The following LITAF variants were observed in gnomAD, a reference collection of about 807,000 sequenced individuals.
The protein encoded by LITAF is lipopolysaccharide-induced tumor necrosis factor-alpha factor.
In LITAF, 9 loss-of-function variants were observed where a neutral mutation model predicts 14.5. The ratio of observed to expected loss-of-function variants is 0.62; its 90% CI spans 0.37 to 1.08. LITAF has a LOEUF of 1.08. Among genes scored for constraint, LITAF ranks in the 50% least tolerant of loss-of-function variants. LITAF has a pLI of 0.01. For synonymous variants in LITAF, 98 were observed against 88.2 expected, an observed-to-expected ratio of 1.11 and a Z score of -0.62; for missense variants, 206 against 213.4, an observed-to-expected ratio of 0.97 and a Z score of 0.22.
chr16:11,581,748 C>G (rs1453521464), intron 1 of LITAF, among the ~76,000 whole-genome samples: 1 of 152,032 alleles, frequency 6.6e-6, no homozygotes, highest in Non-Finnish European at 1.5e-5. Context: ...AAAAAGATAC[C>G]TAGAATTTCA....
upstream of LITAF, among the ~76,000 whole-genome samples, chr16:11,637,976 A>ATATCTATATC (rs1484274038): frequency 2.7e-5 from 1 of 37,386 alleles, no homozygotes; most frequent in Non-Finnish European, 4.9e-5. Context: ...CTATATATCT[A>ATATCTATATC]TATATATCTA....
chr16:11,550,056 A>T (rs556638817), intron 3 of LITAF, among the ~76,000 whole-genome samples: 2 of 152,292 alleles, frequency 1.3e-5, no homozygotes, highest in African/African-American at 4.8e-5. Context: ...GCAAAAAATG[A>T]TTCTCCCTGA....
chr16:11,589,545 T>G (rs989331285), upstream of LITAF, among the ~76,000 whole-genome samples: 6 of 151,116 alleles, frequency 4.0e-5, no homozygotes, highest in African/African-American at 1.5e-4. Context: ...AAGAATGTAC[T>G]AAATACCTAT....
At chr16:11,561,729 G>A (rs376429532) in intron 1 of LITAF, among the ~76,000 whole-genome samples, 5 of 152,014 alleles carry the variant, frequency 3.3e-5, no homozygotes, top group African/African-American at 1.2e-4. Context: ...CCCTTGTTTT[G>A]CGCCTTCATT....
chr16:11,633,570 C>T (rs1386352932), exon 3 of LITAF: 1 of 152,194 alleles, frequency 6.6e-6, no homozygotes, highest in East Asian at 1.9e-4. Context: ...CTCTGGTCTT[C>T]CTCACTGCTA....
upstream of LITAF, among the ~76,000 whole-genome samples, chr16:11,591,029 G>A (rs555453851): frequency 6.8e-5 from 8 of 117,732 alleles, 3 homozygotes; most frequent in African/African-American, 2.4e-4. Context: ...CACCGTGCCC[G>A]GCCCAGGTCC....
intron 3 of LITAF, among the ~76,000 whole-genome samples, chr16:11,627,002 C>A (rs1254286463): frequency 5.3e-5 from 8 of 152,162 alleles, no homozygotes; most frequent in Non-Finnish European, 7.3e-5. Context: ...ACCACCATGC[C>A]TGGCTAAACA....
At chr16:11,624,101 A>G (rs1249748856) in intron 3 of LITAF, among the ~76,000 whole-genome samples, 1 of 152,188 alleles carries the variant, frequency 6.6e-6, no homozygotes, top group Non-Finnish European at 1.5e-5. Flanking sequence ...CCTGGGCAAC[A>G]TAGTAAGACC....
intron 1 of LITAF, among the ~76,000 whole-genome samples, chr16:11,573,177 G>C (rs1237758347): frequency 1.3e-5 from 2 of 152,042 alleles, no homozygotes; most frequent in Non-Finnish European, 2.9e-5. Context: ...CGATCCGCCT[G>C]CCTCGGCCTC....
At chr16:11,637,398 C>T (rs1181690526), upstream of LITAF, among the ~76,000 whole-genome samples, 1 of 152,256 alleles carries the variant, frequency 6.6e-6, no homozygotes, top group Admixed American at 6.5e-5. Flanking sequence ...ATCTTCAGTG[C>T]TGGGGCAGAA....
At chr16:11,552,983 T>G (rs2064204548) in intron 3 of LITAF, among the ~76,000 whole-genome samples, 1 of 150,990 alleles carries the variant, frequency 6.6e-6, no homozygotes, top group African/African-American at 2.4e-5. Context: ...GGCCTGACGG[T>G]GCACACCTGT....
intron 3 of LITAF, among the ~76,000 whole-genome samples, chr16:11,630,985 C>T (rs2065115187): frequency 6.6e-6 from 1 of 152,178 alleles, no homozygotes; most frequent in African/African-American, 2.4e-5. Flanking sequence ...TTGCACCCAA[C>T]TCATCTAAGC....
upstream of LITAF, among the ~76,000 whole-genome samples, chr16:11,589,785 G>GTT (rs34570896): frequency 4.8e-4 from 72 of 150,152 alleles, no homozygotes; most frequent in African/African-American, 1.3e-3. Flanking sequence ...TGCCCAGCTA[G>GTT]TTTTTTTTTG....
chr16:11,588,644 C>T (rs529773075), upstream of LITAF, among the ~76,000 whole-genome samples: 14 of 152,202 alleles, frequency 9.2e-5, no homozygotes, highest in South Asian at 8.3e-4. Flanking sequence ...TTACACCCAA[C>T]CTCTGCCATT....
In LITAF at chr16:11,567,048, A is replaced by G. The variant is rs536138228; in HGVS notation, c.-5-10313T>C. Among the ~76,000 whole-genome samples, 20 of 152,298 alleles carry G rather than the reference A, an allele frequency of 1.3e-4. No individual in the cohort carries two copies. The South Asian group carries it at 3.9e-3, about 30-fold the overall frequency. On this transcript the variant is annotated intron_variant, in intron 1 of 3. Transcript: ENST00000622633. ...CCTGGAGTCCTTCATTTCCTCCGGGATTCCTGGGGGCAGTGTATTGTTTCT... is the reference window on the plus strand; with the variant it reads ...CCTGGAGTCCTTCATTTCCTCCGGGGTTCCTGGGGGCAGTGTATTGTTTCT...
intron 3 of LITAF, among the ~76,000 whole-genome samples, chr16:11,551,010 C>G (rs974844264): frequency 1.3e-5 from 2 of 152,142 alleles, no homozygotes; most frequent in Non-Finnish European, 2.9e-5. Flanking sequence ...TTACAGCAAC[C>G]AAGTAGAGTT....
upstream of LITAF, among the ~76,000 whole-genome samples, chr16:11,601,076 T>C (rs887333904): frequency 1.3e-5 from 2 of 152,002 alleles, no homozygotes; most frequent in Non-Finnish European, 2.9e-5. Flanking sequence ...GAGGGTAGTA[T>C]GGACAGGAAT....
In LITAF at chr16:11,549,766, A is replaced by G. The variant is rs2064157032; in HGVS notation, c.378-21T>C. On this transcript the variant is annotated intron_variant, in intron 3 of 3. Transcript: ENST00000622633. This position sits in a 1 kb window ranked among gnomAD's most constrained non-coding sequence, Gnocchi z 4.6. ...TGCACCTGGGAGGAGAGAGAGACAC[A>G]CGGAGCGCGTTACTGATCACAACAG... 6.3e-7 allele frequency: 1 copy of G among 1,588,340 alleles called. No individual in the cohort carries two copies. The highest frequency in any genetic ancestry group is 1.1e-5 in the South Asian group (1 of 89,242).
At chr16:11,583,325 C>T (rs2064766461) in intron 1 of LITAF, among the ~76,000 whole-genome samples, 2 of 152,138 alleles carry the variant, frequency 1.3e-5, no homozygotes, top group Admixed American at 6.6e-5. Context: ...ATGCTTCCAT[C>T]GGGGAGTTGG....
Sources: gnomAD v4.1 joint callset for allele counts (sites outside exome capture counted in the v4.1 genomes callset) on GRCh38, gnomAD v4.1.1 for gene constraint, Gnocchi (gnomAD v3.1) non-coding constraint, MANE v1.5 for transcripts, NCBI Gene and HGNC (gene_info 2026-07-23, HGNC 2026-07-21) for gene names.